PRKAG2: variants seen among roughly 807,000 people sequenced by gnomAD.
PRKAG2 encodes the protein 5'-AMP-activated protein kinase subunit gamma-2.
Under a neutral mutation model 69.6 loss-of-function variants are expected in PRKAG2, and 26 were observed. That is an observed-to-expected ratio of 0.37 (90% confidence interval 0.27 to 0.52). PRKAG2 has a LOEUF of 0.52. Among genes scored for constraint, PRKAG2 ranks in the 20% least tolerant of loss-of-function variants. The probability of loss-of-function intolerance (pLI) is 0.90; values close to 1 mark genes in which losing one functional copy is unlikely to be tolerated. For missense variants in PRKAG2, 557 were observed against 740.0 expected (o/e 0.75, Z 2.87); for synonymous variants, 293 against 285.0 (o/e 1.03, Z -0.28).
chr7:151,635,015 T>G (rs1419240527), intron 4 of PRKAG2, among the ~76,000 whole-genome samples: 1 of 150,698 alleles, frequency 6.6e-6, no homozygotes, highest in East Asian at 2.0e-4. Context: ...AGTGGACCTA[T>G]CTCAACTCAC....
chr7:151,830,619 T>G (rs2151874447), intron 1 of PRKAG2, among the ~76,000 whole-genome samples: 1 of 151,772 alleles, frequency 6.6e-6, no homozygotes, highest in South Asian at 2.1e-4. Context: ...TCCCCGGCCC[T>G]CCCGCGATGG....
chr7:151,648,570 C>A (rs1348165089), intron 4 of PRKAG2, among the ~76,000 whole-genome samples: 1 of 152,156 alleles, frequency 6.6e-6, no homozygotes, highest in African/African-American at 2.4e-5. Context: ...GTAGCTGCAA[C>A]ACAAAGGCAT....
chr7:151,765,559 C>T (rs2075691335), intron 3 of PRKAG2, among the ~76,000 whole-genome samples: 1 of 152,182 alleles, frequency 6.6e-6, no homozygotes, highest in Admixed American at 6.5e-5. Flanking sequence ...GTCTCAGCTC[C>T]ACCAGCTCCC....
intron 3 of PRKAG2, among the ~76,000 whole-genome samples, chr7:151,718,200 C>T (rs192824169): frequency 1.7e-3 from 253 of 152,184 alleles, no homozygotes; most frequent in African/African-American, 5.5e-3. Flanking sequence ...CCCAAGGTCA[C>T]GGTGCCAGCC....
intron 4 of PRKAG2, among the ~76,000 whole-genome samples, chr7:151,644,578 A>G (rs1827256881): frequency 6.6e-6 from 1 of 152,202 alleles, no homozygotes; most frequent in South Asian, 2.1e-4. Context: ...CATTTTGTCT[A>G]TTCATTCACC....
intron 2 of PRKAG2, among the ~76,000 whole-genome samples, chr7:151,783,544 T>C (rs2076840041): frequency 6.6e-6 from 1 of 151,882 alleles, no homozygotes; most frequent in Non-Finnish European, 1.5e-5. Context: ...ATTTAGATTC[T>C]CTGTTTATAG....
chr7:151,867,206 C>T (rs919770450), intron 1 of PRKAG2, among the ~76,000 whole-genome samples: 12 of 152,158 alleles, frequency 7.9e-5, no homozygotes, highest in East Asian at 1.9e-4. Flanking sequence ...CTCTATCGGA[C>T]GGAGGCTGTG....
intron 1 of PRKAG2, among the ~76,000 whole-genome samples, chr7:151,844,982 C>T (rs1205157860): frequency 2.6e-5 from 4 of 152,126 alleles, no homozygotes; most frequent in African/African-American, 9.7e-5. Flanking sequence ...CTCCTCTTCT[C>T]GGTGCTGTTG....
At chr7:151,700,294 C>G (rs1837457938) in intron 3 of PRKAG2, among the ~76,000 whole-genome samples, 1 of 152,166 alleles carries the variant, frequency 6.6e-6, no homozygotes, top group South Asian at 2.1e-4. Flanking sequence ...CCTCGTGGAG[C>G]TCAGGTTTGT....
intron 5 of PRKAG2, among the ~76,000 whole-genome samples, chr7:151,607,263 C>T (rs958807460): frequency 1.3e-5 from 2 of 151,902 alleles, no homozygotes; most frequent in Non-Finnish European, 1.5e-5. Context: ...AATCTGATTA[C>T]ATAATATGCT....
intron 1 of PRKAG2, among the ~76,000 whole-genome samples, chr7:151,867,972 C>G (rs1306005785): frequency 1.3e-5 from 2 of 152,210 alleles, no homozygotes; most frequent in Non-Finnish European, 1.5e-5. Context: ...CTGCAGGGCA[C>G]CCCCCTCCAG....
At chr7:151,674,938 T>TC (rs906460534) in intron 4 of PRKAG2, 6 of 165,946 alleles carry the variant, frequency 3.6e-5, no homozygotes, top group African/African-American at 1.4e-4. Context: ...CTTTTTTTTT[T>TC]CAGACAGAGT....
At chr7:151,651,814 C>A (rs1031374794) in intron 4 of PRKAG2, among the ~76,000 whole-genome samples, 14 of 152,002 alleles carry the variant, frequency 9.2e-5, no homozygotes, top group African/African-American at 2.7e-4. Flanking sequence ...CACGGAAAGA[C>A]AAGTACTGCA....
At chr7:151,664,914 C>A (rs1193026147) in intron 4 of PRKAG2, among the ~76,000 whole-genome samples, 1 of 152,192 alleles carries the variant, frequency 6.6e-6, no homozygotes, top group Non-Finnish European at 1.5e-5. Flanking sequence ...CAGATTTTAT[C>A]TTGAGAACTC....
chr7:151,806,921 G>A (rs930925571), intron 1 of PRKAG2: 37 of 445,224 alleles, frequency 8.3e-5, no homozygotes, highest in East Asian at 1.4e-4. Flanking sequence ...AGCCAAGATC[G>A]CACCATTGCA....
intron 11 of PRKAG2, chr7:151,566,724 A>AG: frequency 2.8e-6 from 1 of 357,334 alleles, no homozygotes; most frequent in South Asian, 2.3e-5. Context: ...AAAAAAAAAA[A>AG]GAAAGCCCTA....
At chr7:151,685,733 G>A (rs1834618787) in intron 3 of PRKAG2, among the ~76,000 whole-genome samples, 1 of 150,496 alleles carries the variant, frequency 6.6e-6, no homozygotes, top group Non-Finnish European at 1.5e-5. Flanking sequence ...TGCGCCGCTG[G>A]ACTCCAATCT....
At chr7:151,700,510 C>T (rs541098165) in intron 3 of PRKAG2, among the ~76,000 whole-genome samples, 44 of 152,300 alleles carry the variant, frequency 2.9e-4, no homozygotes, top group African/African-American at 8.7e-4. Flanking sequence ...CCCTTTTTAA[C>T]GCAGGCTTGT....
chr7:151,712,421 C>T (rs928878268), intron 3 of PRKAG2, among the ~76,000 whole-genome samples: 5 of 152,256 alleles, frequency 3.3e-5, no homozygotes, highest in Non-Finnish European at 5.9e-5. Flanking sequence ...TCAGGACCCA[C>T]GAGACTGCTA....
Sources: allele counts gnomAD v4.1 joint callset (sites outside exome capture counted in the v4.1 genomes callset), GRCh38; gene constraint gnomAD v4.1.1; transcripts MANE v1.5; gene names NCBI Gene and HGNC (gene_info 2026-07-23, HGNC 2026-07-21).